Variants in TSHZ3 observed in about 807,000 individuals in gnomAD.
The protein encoded by TSHZ3 is teashirt zinc finger homeobox 3.
Under a neutral mutation model 64.5 loss-of-function variants are expected in TSHZ3, and 10 were observed. That is an observed-to-expected ratio of 0.16 (90% CI 0.10 to 0.26). TSHZ3 has a LOEUF of 0.26. Among genes scored for constraint, TSHZ3 ranks in the 10% least tolerant of loss-of-function variants. The pLI is 1.00. For missense variants in TSHZ3, 1,242 were observed against 1,421.7 expected (o/e 0.87, Z 2.03); for synonymous variants, 608 against 593.1 (o/e 1.03, Z -0.36).
chr19:31,334,301 C>T lies in TSHZ3; in HGVS notation c.40+14879G>A, dbSNP rs1224517962. 3.3e-5 allele frequency among the ~76,000 whole-genome samples: 5 copies of T among 152,298 alleles called. No homozygotes were observed. The East Asian group carries it at 7.7e-4, about 23-fold the overall frequency. ...ATGTGAAAGAGCCATTTTACTACAA[C>T]CTCAGAGCAGAAACAAAGGCAAGAA... is the stretch of plus-strand genomic sequence containing the variant. On this transcript the variant is annotated intron_variant, in intron 1 of 1. Transcript: ENST00000240587.
intron 1 of TSHZ3, among the ~76,000 whole-genome samples, chr19:31,321,982 C>T (rs1484160839): frequency 6.6e-6 from 1 of 152,092 alleles, no homozygotes; most frequent in Non-Finnish European, 1.5e-5. Flanking sequence ...CTTCTCCATT[C>T]CCCCTACCCC....
intron 4 of TSHZ3, among the ~76,000 whole-genome samples, chr19:31,214,929 A>G (rs1335677913): frequency 5.3e-5 from 8 of 150,924 alleles, no homozygotes; most frequent in African/African-American, 1.7e-4. Flanking sequence ...AAAAAAAAAA[A>G]AAAGAACCGA....
chr19:31,304,960 A>G (rs1976815779), intron 1 of TSHZ3, among the ~76,000 whole-genome samples: 2 of 152,264 alleles, frequency 1.3e-5, no homozygotes, highest in Non-Finnish European at 2.9e-5. Context: ...CAGTAATTTA[A>G]TAACTGTGAT....
At chr19:31,244,449 C>G (rs760142713) in intron 1 of TSHZ3, among the ~76,000 whole-genome samples, 2 of 152,138 alleles carry the variant, frequency 1.3e-5, no homozygotes, top group African/African-American at 4.8e-5. Flanking sequence ...TGTCATTAAA[C>G]AAGAAGCTAC....
chr19:31,295,870 C>T (rs1462983123), intron 1 of TSHZ3, among the ~76,000 whole-genome samples: 1 of 149,388 alleles, frequency 6.7e-6, no homozygotes, highest in African/African-American at 2.5e-5. Context: ...ATGATGGATC[C>T]CATCACCCCA....
chr19:31,342,839 A>G (rs905012711), intron 1 of TSHZ3, among the ~76,000 whole-genome samples: 8 of 152,242 alleles, frequency 5.3e-5, no homozygotes, highest in Non-Finnish European at 8.8e-5. Flanking sequence ...CAGAGGAAAA[A>G]GAAGAAACAC....
chr19:31,166,194 C>A (rs1313234008), intron 5 of TSHZ3, among the ~76,000 whole-genome samples: 2 of 152,130 alleles, frequency 1.3e-5, no homozygotes, highest in African/African-American at 4.8e-5. Flanking sequence ...ATCAAATGAG[C>A]CACTGAGAAG....
rs1169277698 is a variant in TSHZ3 at position 31,349,281 on chromosome 19, G to T, written c.-62C>A. 1.5e-6 allele frequency: 2 copies of T among 1,336,220 alleles called. No homozygotes were observed. The highest frequency in any genetic ancestry group is 7.4e-5 in the African/African-American group (2 of 27,022). 82.8% of individuals were successfully genotyped at this position (1,336,220 alleles called of 1,614,324 possible). A position where few individuals can be genotyped will look rare whatever the true frequency, so the allele number is the denominator to read the frequency against. On this transcript the variant is annotated 5_prime_UTR_variant, in exon 1 of 2. Transcript: ENST00000240587. The stretch of plus-strand genomic sequence containing the variant: ...GCCGCTGCCGGGCTGAGGACAGGGA[G>T]GGAGGGGGCGGCGGGCCCGCGGGGG...
At chr19:31,251,249 G>A (rs920695756) in intron 1 of TSHZ3, among the ~76,000 whole-genome samples, 1 of 152,148 alleles carries the variant, frequency 6.6e-6, no homozygotes, top group Non-Finnish European at 1.5e-5. Flanking sequence ...AGATACAGGG[G>A]ACATGTCTGC....
chr19:31,273,100 T>C (rs897894754), downstream of TSHZ3, among the ~76,000 whole-genome samples: 1 of 152,140 alleles, frequency 6.6e-6, no homozygotes, highest in African/African-American at 2.4e-5. Context: ...GCCCAATCTT[T>C]AGCCAGGCAA....
At chr19:31,160,922 T>G (rs1236904895) in intron 5 of TSHZ3, among the ~76,000 whole-genome samples, 2 of 152,204 alleles carry the variant, frequency 1.3e-5, no homozygotes, top group Non-Finnish European at 2.9e-5. Context: ...TGCTGATATA[T>G]GTATGTCTGT....
At chr19:31,213,332 G>C (rs1975284141) in intron 4 of TSHZ3, among the ~76,000 whole-genome samples, 1 of 108,220 alleles carries the variant, frequency 9.2e-6, no homozygotes, top group Admixed American at 1.5e-4. Context: ...ACTCCAGCCT[G>C]AGCAACAGAG....
chr19:31,151,801 A>G (rs1037409606), intron 6 of TSHZ3, among the ~76,000 whole-genome samples: 8 of 152,214 alleles, frequency 5.3e-5, no homozygotes, highest in Admixed American at 1.3e-4. Context: ...TCAGGCTGAG[A>G]CTGGCGTTAT....
At chr19:31,227,511 G>C (rs1405635004) in intron 4 of TSHZ3, among the ~76,000 whole-genome samples, 1 of 152,120 alleles carries the variant, frequency 6.6e-6, no homozygotes, top group African/African-American at 2.4e-5. Flanking sequence ...CTTAGGGAGA[G>C]CCTGCTAGAA....
chr19:31,260,316 C>G (rs564664141), intron 1 of TSHZ3, among the ~76,000 whole-genome samples: 1 of 152,220 alleles, frequency 6.6e-6, no homozygotes, highest in Non-Finnish European at 1.5e-5. Flanking sequence ...ATCTCTTGTC[C>G]GTGGTGCCCT....
chr19:31,210,323 TC>T (rs1302156361), intron 4 of TSHZ3, among the ~76,000 whole-genome samples: 2 of 152,180 alleles, frequency 1.3e-5, no homozygotes, highest in Non-Finnish European at 2.9e-5. Flanking sequence ...GTTTTTTTCT[TC>T]TTGAAACCAA....
intron 1 of TSHZ3, among the ~76,000 whole-genome samples, chr19:31,323,600 CT>C (rs781151452): frequency 1.8e-4 from 27 of 152,260 alleles, no homozygotes; most frequent in Non-Finnish European, 3.7e-4. Flanking sequence ...GGATTTACCT[CT>C]GCTCTCAGTG....
chr19:31,224,496 AC>A (rs1975433127), intron 4 of TSHZ3, among the ~76,000 whole-genome samples: 1 of 152,202 alleles, frequency 6.6e-6, no homozygotes, highest in South Asian at 2.1e-4. Context: ...TGTGAAGACA[AC>A]CACTCCAATG....
At chr19:31,219,771 C>A (rs1472292365) in intron 4 of TSHZ3, among the ~76,000 whole-genome samples, 1 of 148,128 alleles carries the variant, frequency 6.8e-6, no homozygotes, top group Non-Finnish European at 1.5e-5. Context: ...AGAATAGAGT[C>A]CAGAAGTGAA....
Sources: gnomAD v4.1 joint callset for allele counts (sites outside exome capture counted in the v4.1 genomes callset) on GRCh38, gnomAD v4.1.1 for gene constraint, MANE v1.5 for transcripts, NCBI Gene and HGNC (gene_info 2026-07-23, HGNC 2026-07-21) for gene names.